Variants in SLIT3 observed in about 807,000 individuals in gnomAD.
The protein encoded by SLIT3 is slit homolog 3 protein.
SLIT3 carries 68 observed loss-of-function variants against 184.0 expected under a neutral mutation model. That is an observed-to-expected ratio of 0.37 (90% CI 0.30 to 0.45). SLIT3 has a LOEUF of 0.45. Among genes scored for constraint, SLIT3 ranks in the 20% least tolerant of loss-of-function variants. SLIT3 has a pLI of 1.00. For missense variants in SLIT3, 1,707 were observed against 2,026.0 expected, an observed-to-expected ratio of 0.84 and a Z score of 3.02; for synonymous variants, 831 against 828.6, an observed-to-expected ratio of 1.00 and a Z score of -0.05.
chr5:168,699,257 A>G (rs1762147975), intron 27 of SLIT3, among the ~76,000 whole-genome samples: 1 of 152,200 alleles, frequency 6.6e-6, no homozygotes, highest in Non-Finnish European at 1.5e-5. Context: ...TCCCGGGGGA[A>G]GAGAACCGGG....
intron 6 of SLIT3, among the ~76,000 whole-genome samples, chr5:168,837,096 G>A (rs930433392): frequency 1.3e-5 from 2 of 152,292 alleles, no homozygotes; most frequent in Admixed American, 6.5e-5. Flanking sequence ...TGAGTGGCAC[G>A]AGAGCATTTA....
chr5:168,986,199 G>A (rs1438468358), intron 4 of SLIT3, among the ~76,000 whole-genome samples: 2 of 152,082 alleles, frequency 1.3e-5, no homozygotes. Flanking sequence ...TTCCCTGACA[G>A]TGCTAGATGC....
At chr5:169,171,692 AT>A (rs1301360396) in intron 4 of SLIT3, among the ~76,000 whole-genome samples, 1 of 152,250 alleles carries the variant, frequency 6.6e-6, no homozygotes. Context: ...CACCCTGTGA[AT>A]ACATGAATAT....
At chr5:169,269,333 C>G (rs954202597) in intron 1 of SLIT3, among the ~76,000 whole-genome samples, 2 of 152,274 alleles carry the variant, frequency 1.3e-5, no homozygotes, top group African/African-American at 4.8e-5. Context: ...ACAGCTGATG[C>G]TGTCTTTGGC....
At chr5:169,059,735 T>C (rs1758117870) in intron 4 of SLIT3, among the ~76,000 whole-genome samples, 1 of 152,268 alleles carries the variant, frequency 6.6e-6, no homozygotes, top group Non-Finnish European at 1.5e-5. Flanking sequence ...CAGTCCCACG[T>C]TGCCACGAGG....
At chr5:169,003,203 CACAA>C (rs573243610) in intron 4 of SLIT3, among the ~76,000 whole-genome samples, 48 of 152,334 alleles carry the variant, frequency 3.2e-4, no homozygotes, top group Non-Finnish European at 6.6e-4. Context: ...TCTGAGCACG[CACAA>C]ACAAACTTTG....
intron 4 of SLIT3, among the ~76,000 whole-genome samples, chr5:168,975,295 G>A (rs555868986): frequency 1.2e-4 from 18 of 152,266 alleles, no homozygotes; most frequent in East Asian, 5.8e-4. Flanking sequence ...CAAGGACTGG[G>A]GCTTTTCCTA....
chr5:168,995,630 C>G (rs1755485508), intron 4 of SLIT3: 1 of 152,180 alleles, frequency 6.6e-6, no homozygotes, highest in Admixed American at 6.5e-5. Context: ...TGAAAGGAGC[C>G]CCTTGACACA....
intron 6 of SLIT3, among the ~76,000 whole-genome samples, chr5:168,824,585 G>A (rs1401315556): frequency 2.6e-5 from 4 of 152,182 alleles, no homozygotes; most frequent in East Asian, 3.8e-4. Flanking sequence ...GACTACCCAG[G>A]TGGAGAGACA....
At chr5:168,969,887 G>A (rs1168162293) in intron 4 of SLIT3, among the ~76,000 whole-genome samples, 1 of 152,198 alleles carries the variant, frequency 6.6e-6, no homozygotes, top group Non-Finnish European at 1.5e-5. Flanking sequence ...CATCCTTTAA[G>A]AAGCAAAGAC....
At chr5:169,272,777 C>T (rs1353022558) in intron 1 of SLIT3, among the ~76,000 whole-genome samples, 1 of 152,246 alleles carries the variant, frequency 6.6e-6, no homozygotes, top group Non-Finnish European at 1.5e-5. Context: ...GTGAGCCAAA[C>T]ATTGGCTCCA....
intron 32 of SLIT3, among the ~76,000 whole-genome samples, chr5:168,678,989 T>C (rs1761498556): frequency 6.6e-6 from 1 of 152,198 alleles, no homozygotes; most frequent in Admixed American, 6.5e-5. Context: ...AGGGTGGGGC[T>C]GGACGCATCC....
At chr5:168,968,745 G>A in intron 4 of SLIT3, among the ~76,000 whole-genome samples, 1 of 152,086 alleles carries the variant, frequency 6.6e-6, no homozygotes. Context: ...ACCTCTGTAG[G>A]TCTTTGCCCT....
At chr5:168,856,943 G>A (rs1758900921) in intron 5 of SLIT3, among the ~76,000 whole-genome samples, 1 of 152,120 alleles carries the variant, frequency 6.6e-6, no homozygotes, top group African/African-American at 2.4e-5. Context: ...TCTGGTCTGG[G>A]TGGGCTACGG....
chr5:169,295,046 A>G (rs889577994), intron 1 of SLIT3, among the ~76,000 whole-genome samples: 3 of 152,218 alleles, frequency 2.0e-5, no homozygotes, highest in African/African-American at 7.2e-5. Flanking sequence ...GTGAATGTGA[A>G]GGCCTAGGAC....
intron 4 of SLIT3, among the ~76,000 whole-genome samples, chr5:168,978,189 C>A (rs1754831709): frequency 6.6e-6 from 1 of 152,192 alleles, no homozygotes; most frequent in Admixed American, 6.5e-5. Context: ...CAGGACCTCC[C>A]AGTTTGAAAG....
chr5:168,855,414 C>T (rs1175127394), intron 5 of SLIT3, among the ~76,000 whole-genome samples: 1 of 152,144 alleles, frequency 6.6e-6, no homozygotes, highest in Admixed American at 6.5e-5. Flanking sequence ...CAAAAACTTG[C>T]ACACAAATGT....
chr5:168,999,180 C>T (rs982140590), intron 4 of SLIT3, among the ~76,000 whole-genome samples: 28 of 151,718 alleles, frequency 1.8e-4, no homozygotes, highest in Non-Finnish European at 1.8e-4. Context: ...CCACCCAAAG[C>T]GCTGGGATTA....
intron 4 of SLIT3, among the ~76,000 whole-genome samples, chr5:169,073,535 T>C (rs1412062402): frequency 6.6e-6 from 1 of 152,054 alleles, no homozygotes; most frequent in Admixed American, 6.6e-5. Context: ...ATTTGGATGT[T>C]TGTCCCCTCC....
Sources: allele counts gnomAD v4.1 joint callset (sites outside exome capture counted in the v4.1 genomes callset), GRCh38; gene constraint gnomAD v4.1.1; transcripts MANE v1.5; gene names NCBI Gene and HGNC (gene_info 2026-07-23, HGNC 2026-07-21).